The following PSD3 variants were observed in gnomAD, a reference collection of about 807,000 sequenced individuals.
PSD3 encodes the protein PH and SEC7 domain-containing protein 3.
A neutral mutation model predicts 105.5 loss-of-function variants in PSD3; 49 were observed. The observed-to-expected ratio is 0.46, with a 90% CI of 0.37 to 0.59. PSD3 has a LOEUF of 0.59. PSD3 is among the 20% of genes least tolerant of loss of function. The probability of loss-of-function intolerance (pLI) is 0.00; values close to 1 mark genes in which losing one functional copy is unlikely to be tolerated. For synonymous variants in PSD3, 557 were observed against 457.8 expected (o/e 1.22, Z -2.77); for missense variants, 1,561 against 1,263.8 (o/e 1.24, Z -3.57).
chr8:18,784,310 G>A lies in PSD3; in HGVS notation c.2082+14985C>T, dbSNP rs78265423. Among the ~76,000 whole-genome samples, 897 of 151,980 alleles carry A rather than the reference G, an allele frequency of 5.9e-3. 12 individuals carry two copies. The highest frequency in any genetic ancestry group is 0.053 in the East Asian group (272 of 5,138). On this transcript the variant is annotated intron_variant, in intron 8 of 15. Transcript: ENST00000327040. ...CCAATTCTGTCCATTGTTCTTTCAC[G>A]GCTTATTATGTGTTCAGAAGGAATA...
chr8:18,892,336 G>C (rs1818847905), intron 2 of PSD3, among the ~76,000 whole-genome samples: 1 of 150,478 alleles, frequency 6.6e-6, no homozygotes, highest in African/African-American at 2.4e-5. Context: ...CCATTCTCCT[G>C]CCTCAGCCTC....
At chr8:18,796,161 G>A (rs1455168313) in intron 8 of PSD3, among the ~76,000 whole-genome samples, 2 of 130,224 alleles carry the variant, frequency 1.5e-5, no homozygotes, top group South Asian at 2.2e-4. Context: ...AGCAGGTACT[G>A]AATTCTCCCC....
intron 4 of PSD3, among the ~76,000 whole-genome samples, chr8:18,856,989 C>T (rs1385921664): frequency 7.2e-5 from 11 of 152,212 alleles, no homozygotes; most frequent in Non-Finnish European, 1.6e-4. Flanking sequence ...AGAACCCACA[C>T]TCTTCGCCAC....
chr8:19,060,098 A>C (rs2129477502), intron 1 of PSD3, among the ~76,000 whole-genome samples: 1 of 152,362 alleles, frequency 6.6e-6, no homozygotes, highest in African/African-American at 2.4e-5. Context: ...CTAACTCTGA[A>C]AATCCAGGTT....
intron 1 of PSD3, among the ~76,000 whole-genome samples, chr8:19,056,710 T>G (rs1318674670): frequency 6.6e-6 from 1 of 152,228 alleles, no homozygotes; most frequent in Non-Finnish European, 1.5e-5. Context: ...AAGTGAACCC[T>G]GATTACATGT....
intron 2 of PSD3, among the ~76,000 whole-genome samples, chr8:18,895,104 C>T (rs149411903): frequency 2.7e-4 from 41 of 152,336 alleles, no homozygotes; most frequent in Middle Eastern, 3.4e-3. Flanking sequence ...TCTCACTTTC[C>T]TGAGATCCTG....
chr8:18,879,072 A>G (rs1414936562), intron 2 of PSD3, among the ~76,000 whole-genome samples: 4 of 150,988 alleles, frequency 2.6e-5, no homozygotes, highest in South Asian at 2.1e-4. Context: ...ACACACACAC[A>G]CACACACACA....
chr8:18,650,496 A>T (rs1217564638), intron 10 of PSD3, among the ~76,000 whole-genome samples: 1 of 152,236 alleles, frequency 6.6e-6, no homozygotes, highest in East Asian at 1.9e-4. Context: ...TCATGGTCCT[A>T]TATGACGTAG....
intron 15 of PSD3, among the ~76,000 whole-genome samples, chr8:18,549,106 T>C (rs1390338760): frequency 6.6e-6 from 1 of 152,038 alleles, no homozygotes; most frequent in East Asian, 1.9e-4. Flanking sequence ...GTGACCTTTC[T>C]GCCTTGAGGT....
chr8:19,012,611 G>C (rs985125766), intron 1 of PSD3, among the ~76,000 whole-genome samples: 1 of 152,154 alleles, frequency 6.6e-6, no homozygotes, highest in South Asian at 2.1e-4. Flanking sequence ...CTACGCATAA[G>C]TCTCTCCCAG....
chr8:18,792,483 G>A (rs564754018), intron 8 of PSD3, among the ~76,000 whole-genome samples: 1 of 152,286 alleles, frequency 6.6e-6, no homozygotes, highest in Non-Finnish European at 1.5e-5. Context: ...ATTACCATGT[G>A]TGCTCACTTG....
At chr8:18,633,966 G>C (rs922617059) in intron 10 of PSD3, among the ~76,000 whole-genome samples, 2 of 151,496 alleles carry the variant, frequency 1.3e-5, no homozygotes, top group African/African-American at 4.9e-5. Flanking sequence ...ATTCTGACTG[G>C]TGTCAGATGG....
chr8:18,952,268 T>C (rs1373778776), intron 1 of PSD3, among the ~76,000 whole-genome samples: 1 of 152,222 alleles, frequency 6.6e-6, no homozygotes, highest in African/African-American at 2.4e-5. Context: ...GGCTTATTCT[T>C]TCTATCTTTA....
Position 18,868,085 on chromosome 8 carries a change from G to C in PSD3, c.1239-16C>G. On this transcript the variant is annotated splice_polypyrimidine_tract_variant and intron_variant, in intron 3 of 15. Transcript: ENST00000327040. ...TTCGCTGATCCTGGAAAGTAAATAA[G>C]AGTGAAGAATTCCAATATTAGGTTA... The C allele has an allele frequency of 1.3e-6, 2 of 1,569,968 alleles. No individual in the cohort carries two copies. The highest frequency in any genetic ancestry group is 1.7e-6 in the Non-Finnish European group (2 of 1,160,442).
chr8:18,934,567 C>T (rs545965374), intron 2 of PSD3, among the ~76,000 whole-genome samples: 1 of 152,094 alleles, frequency 6.6e-6, no homozygotes, highest in African/African-American at 2.4e-5. Context: ...CCTGCCACCG[C>T]GCCCGGCTAA....
At position 19,084,296 on chromosome 8, in the gene PSD3, C is replaced by T. The variant is rs73591303; in HGVS notation, c.234G>A (p.Ala78=). Residue 78 remains alanine (A), a synonymous_variant, in exon 1 of 2, where the codon GCG becomes GCA. Transcript: ENST00000521475. ...TGTAGAGCCATGCCCTTGTCGCCTG[C>T]GCTGTGGTACCTGTGGCCTCCTTAC... 1,064 of 456,274 alleles carry T rather than the reference C, an allele frequency of 2.3e-3. 8 individuals carry two copies. Among genetic ancestry groups the T allele is most frequent in the African/African-American group, 0.018 (884 of 50,196 alleles). 28.3% of individuals were successfully genotyped at this position (456,274 alleles called of 1,614,324 possible).
chr8:18,782,165 G>T (rs7831166), intron 8 of PSD3, among the ~76,000 whole-genome samples: 10,266 of 151,902 alleles, frequency 0.068, 767 homozygotes, highest in East Asian at 0.33. Flanking sequence ...GTATTTCATA[G>T]ATTTTTTTTA....
intron 9 of PSD3, among the ~76,000 whole-genome samples, chr8:18,722,915 T>C (rs965000505): frequency 1.3e-5 from 2 of 152,218 alleles, no homozygotes; most frequent in Non-Finnish European, 2.9e-5. Context: ...GAGCAACAAT[T>C]ATAGAATGCC....
chr8:18,833,409 A>G (rs1813839742), intron 4 of PSD3, among the ~76,000 whole-genome samples: 1 of 152,170 alleles, frequency 6.6e-6, no homozygotes, highest in African/African-American at 2.4e-5. Flanking sequence ...CTTTCCCAAT[A>G]GGCCAGTACC....
Sources: gnomAD v4.1 joint callset for allele counts (sites outside exome capture counted in the v4.1 genomes callset) on GRCh38, gnomAD v4.1.1 for gene constraint, MANE v1.5 for transcripts, NCBI Gene and HGNC (gene_info 2026-07-23, HGNC 2026-07-21) for gene names.